The following RAB38 variants were observed in gnomAD, a reference collection of about 807,000 sequenced individuals.
RAB38 encodes ras-related protein Rab-38.
In RAB38, 15 loss-of-function variants were observed where a neutral mutation model predicts 18.4. That is an observed-to-expected ratio of 0.82 (90% confidence interval 0.55 to 1.26). The LOEUF (loss-of-function observed/expected upper bound fraction) is 1.26, where lower values mean the gene tolerates loss of function less well. RAB38 is among the 50% of genes most tolerant of loss of function. The pLI, the probability that RAB38 is intolerant of heterozygous loss-of-function variation, is 0.00. For synonymous variants in RAB38, 101 were observed against 104.4 expected, an observed-to-expected ratio of 0.97 and a Z score of 0.20; for missense variants, 294 against 267.4, an observed-to-expected ratio of 1.10 and a Z score of -0.69.
chr11:87,955,542 T>TGACTTATCCTATA, the RAB38 span, among the ~76,000 whole-genome samples: 1 of 152,194 alleles, frequency 6.6e-6, no homozygotes, highest in African/African-American at 2.4e-5. Context: ...GTAGACAATA[T>TGACTTATCCTATA]GACTTATCCT....
the RAB38 span, among the ~76,000 whole-genome samples, chr11:88,074,550 T>C: frequency 2.6e-5 from 4 of 152,074 alleles, no homozygotes; most frequent in African/African-American, 9.7e-5. Context: ...ATACCTATAA[T>C]AGATTTATTA....
the RAB38 span, chr11:88,061,870 T>G: frequency 6.6e-6 from 1 of 152,056 alleles, no homozygotes. Flanking sequence ...GCTGCAAGTC[T>G]TTTCTTTAGT....
the RAB38 span, among the ~76,000 whole-genome samples, chr11:88,087,970 G>A: frequency 6.6e-6 from 1 of 151,894 alleles, no homozygotes; most frequent in African/African-American, 2.4e-5. Context: ...TACAGGAGCT[G>A]AAAAAGGGTG....
At chr11:88,173,842 TAAAAGA>T in intron 1 of RAB38, 1 of 985,370 alleles carries the variant, frequency 1.0e-6, no homozygotes, top group Non-Finnish European at 1.2e-6. Flanking sequence ...GTTCACATGC[TAAAAGA>T]AAAAGGCCTG....
At chr11:87,832,677 T>C in the RAB38 span, among the ~76,000 whole-genome samples, 1 of 152,298 alleles carries the variant, frequency 6.6e-6, no homozygotes, top group East Asian at 1.9e-4. Flanking sequence ...CTCTGACTTC[T>C]CTTTGTTCCC....
At chr11:87,958,570 G>C in the RAB38 span, among the ~76,000 whole-genome samples, 9 of 152,148 alleles carry the variant, frequency 5.9e-5, no homozygotes, top group Admixed American at 2.0e-4. Context: ...TCCATTTCCA[G>C]CTTCTAGTGT....
At chr11:87,893,390 A>ATATATATATTTTTT in the RAB38 span, among the ~76,000 whole-genome samples, 2,197 of 93,924 alleles carry the variant, frequency 0.023, 69 homozygotes, top group South Asian at 0.055. Context: ...ATATATATAT[A>ATATATATATTTTTT]TTTTTTTTTT....
the RAB38 span, among the ~76,000 whole-genome samples, chr11:88,017,189 C>T: frequency 2.6e-5 from 4 of 152,008 alleles, no homozygotes; most frequent in Non-Finnish European, 4.4e-5. Flanking sequence ...GGTCAGTTTA[C>T]TCAGAATACA....
the RAB38 span, among the ~76,000 whole-genome samples, chr11:87,883,606 T>G: frequency 1.3e-5 from 2 of 151,918 alleles, no homozygotes; most frequent in Non-Finnish European, 2.9e-5. Flanking sequence ...CAGAAGTGAT[T>G]CAAGTTAAGG....
chr11:87,908,124 G>A, the RAB38 span, among the ~76,000 whole-genome samples: 2,523 of 151,904 alleles, frequency 0.017, 57 homozygotes, highest in African/African-American at 0.056. Context: ...TTTTGGTCTG[G>A]CCATATAGCA....
chr11:88,073,728 C>T, the RAB38 span, among the ~76,000 whole-genome samples: 2 of 146,538 alleles, frequency 1.4e-5, no homozygotes, highest in African/African-American at 2.5e-5. Flanking sequence ...AGCTTTCTGA[C>T]AAAAAATTCA....
the RAB38 span, among the ~76,000 whole-genome samples, chr11:87,957,982 G>A: frequency 1.3e-5 from 2 of 152,080 alleles, no homozygotes; most frequent in African/African-American, 4.8e-5. Context: ...AGCACAGCTG[G>A]TCCCAGACTT....
the RAB38 span, among the ~76,000 whole-genome samples, chr11:87,807,924 A>G: frequency 6.6e-6 from 1 of 152,202 alleles, no homozygotes; most frequent in African/African-American, 2.4e-5. Context: ...TAACAGGAAG[A>G]AACAAGTCTG....
the RAB38 span, among the ~76,000 whole-genome samples, chr11:88,003,919 G>A: frequency 9.9e-6 from 1 of 101,190 alleles, no homozygotes; most frequent in Non-Finnish European, 1.9e-5. Context: ...TTTATATAAA[G>A]ATATAAAATA....
At chr11:88,086,614 A>G in the RAB38 span, among the ~76,000 whole-genome samples, 1 of 151,940 alleles carries the variant, frequency 6.6e-6, no homozygotes, top group East Asian at 1.9e-4. Flanking sequence ...CAGAGTTTAG[A>G]TTGATCAATC....
chr11:88,157,279 C>A (rs919714202), intron 1 of RAB38, among the ~76,000 whole-genome samples: 1 of 152,116 alleles, frequency 6.6e-6, no homozygotes, highest in Non-Finnish European at 1.5e-5. Context: ...CGGCTCAATT[C>A]GACAATAAGA....
the RAB38 span, among the ~76,000 whole-genome samples, chr11:87,825,657 T>C: frequency 1.8e-4 from 27 of 152,250 alleles, no homozygotes; most frequent in African/African-American, 6.3e-4. Context: ...AACATATGAA[T>C]TTTTGGTGAA....
At chr11:87,890,053 C>T in the RAB38 span, among the ~76,000 whole-genome samples, 1 of 151,728 alleles carries the variant, frequency 6.6e-6, no homozygotes. Context: ...GACACTACTC[C>T]AGTAATTAGA....
At chr11:87,941,104 A>G in the RAB38 span, among the ~76,000 whole-genome samples, 1 of 150,650 alleles carries the variant, frequency 6.6e-6, no homozygotes, top group African/African-American at 2.4e-5. Flanking sequence ...CCTGAAGTTT[A>G]GATGTGAAGG....
Sources: allele counts gnomAD v4.1 joint callset (sites outside exome capture counted in the v4.1 genomes callset), GRCh38; gene constraint gnomAD v4.1.1; transcripts MANE v1.5; gene names NCBI Gene and HGNC (gene_info 2026-07-23, HGNC 2026-07-21).